The following PCDHGA3 variants were observed in gnomAD, a reference collection of about 807,000 sequenced individuals.
PCDHGA3 encodes the protein protocadherin gamma subfamily A, 3, also known as protocadherin gamma-A3.
PCDHGA3 carries 40 observed loss-of-function variants against 58.5 expected under a neutral mutation model. That is an observed-to-expected ratio of 0.68 (90% CI 0.53 to 0.89). PCDHGA3 has a LOEUF of 0.89. Ranked by LOEUF, PCDHGA3 falls within the 40% of genes least tolerant of loss-of-function variation. The probability of loss-of-function intolerance (pLI) is 0.00; values close to 1 mark genes in which losing one functional copy is unlikely to be tolerated. For missense variants in PCDHGA3, 1,223 were observed against 1,195.9 expected, an observed-to-expected ratio of 1.02 and a Z score of -0.33; for synonymous variants, 530 against 525.7, an observed-to-expected ratio of 1.01 and a Z score of -0.11.
chr5:141,382,928 A>G (rs746763440), intron 1 of PCDHGA3: 9 of 1,582,188 alleles, frequency 5.7e-6, no homozygotes, highest in South Asian at 3.4e-5. Flanking sequence ...GGCGGGGACT[A>G]CAGAGGATTC....
rs2099611311 is a variant in PCDHGA3 at position 141,485,311 on chromosome 5, G to A, written c.2425-9496G>A. 3.1e-6 allele frequency: 5 copies of A among 1,614,174 alleles called. No individual in the cohort carries two copies. The East Asian group carries it at 6.7e-5, about 22-fold the overall frequency. ...AGTCACAGGAAGGGACTTTTGTAGGGAATGTCGCTCAAGATTTCCTGCTGG... is the reference window on the plus strand; with the variant it reads ...AGTCACAGGAAGGGACTTTTGTAGGAAATGTCGCTCAAGATTTCCTGCTGG... On this transcript the variant is annotated intron_variant, in intron 1 of 3. Transcript: ENST00000253812. The surrounding 1 kb of genome is among the most constrained non-coding windows in gnomAD (Gnocchi z 5.7).
chr5:141,491,284 A>C lies in PCDHGA3; in HGVS notation c.2425-3523A>C. ...AATGCCCAAATCCAGTGACTTCCTC[A>C]TACACCCTCCTGAGCGTTCAGACCT... On this transcript the variant is annotated intron_variant, in intron 1 of 3. Transcript: ENST00000253812. The surrounding 1 kb of genome is among the most constrained non-coding windows in gnomAD (Gnocchi z 6.9). 1.2e-6 allele frequency: 2 copies of C among 1,614,128 alleles called. No homozygotes were observed. The highest frequency in any genetic ancestry group is 1.7e-6 in the Non-Finnish European group (2 of 1,179,978).
rs539620413 is a variant in PCDHGA3, at chr5:141,488,489, G to GT, written c.2425-6317dup. Among the ~76,000 whole-genome samples the GT allele has an allele frequency of 1.6e-4, 25 of 152,268 alleles. No homozygotes were observed. In the South Asian group the frequency reaches 4.6e-3, roughly 28 times the overall value. On this transcript the variant is annotated intron_variant, in intron 1 of 3. Transcript: ENST00000253812. ...AGAAATGTTCCCCTACCCAAAAACT[G>GT]TAACACTCATTCCACATTTGGGGTC...
rs373297942 is a variant in PCDHGA3 at position 141,431,494 on chromosome 5, C to G, written c.2425-63313C>G. ...ACAACGCACCAGCGTTTGCTCAGCCCGAGTACCGCGCGAGCGTTCCGGAGA... is the reference window on the plus strand; with the variant it reads ...ACAACGCACCAGCGTTTGCTCAGCCGGAGTACCGCGCGAGCGTTCCGGAGA... On this transcript the variant is annotated intron_variant, in intron 1 of 3. Transcript: ENST00000253812. This position sits in a 1 kb window ranked among gnomAD's most constrained non-coding sequence, Gnocchi z 4.8. 16 of 1,613,838 alleles carry G rather than the reference C, an allele frequency of 9.9e-6. No individual in the cohort carries two copies. The highest frequency in any genetic ancestry group is 1.4e-5 in the Non-Finnish European group (16 of 1,180,030).
rs186005750 is a variant in PCDHGA3, at chr5:141,351,541, C to T, written c.2424+5084C>T. Reference sequence around the variant, plus strand: ...TAGCCACCGACAAGGGCAAACCAGCCCTTTCCTCCAGGACAAGCATCACCC... The same window carrying T: ...TAGCCACCGACAAGGGCAAACCAGCTCTTTCCTCCAGGACAAGCATCACCC... On this transcript the variant is annotated intron_variant, in intron 1 of 3. Transcript: ENST00000253812. 154 of 1,614,046 alleles carry T rather than the reference C, an allele frequency of 9.5e-5. 1 individual carries two copies. The East Asian group carries it at 1.2e-3, about 12-fold the overall frequency.
chr5:141,478,164 C>G lies in PCDHGA3; in HGVS notation c.2425-16643C>G, dbSNP rs202185809. On this transcript the variant is annotated intron_variant, in intron 1 of 3. Transcript: ENST00000253812. Reference sequence around the variant, plus strand: ...GCCGAGTTCCCCTCTGGCTCTGCCCCCCGGGAGCAGAAAAAAAATCTCACC... The same window carrying G: ...GCCGAGTTCCCCTCTGGCTCTGCCCGCCGGGAGCAGAAAAAAAATCTCACC... The G allele has an allele frequency of 1.0e-4, 167 of 1,613,890 alleles. No homozygotes were observed. Among genetic ancestry groups the G allele is most frequent in the Non-Finnish European group, 1.3e-4 (157 of 1,180,048 alleles).
chr5:141,478,336 C>T, intron 1 of PCDHGA3: 2 of 1,613,950 alleles, frequency 1.2e-6, no homozygotes, highest in South Asian at 2.2e-5. Context: ...CACCAGGGCC[C>T]TCCTTGCACG....
chr5:141,418,696 T>C, intron 1 of PCDHGA3: 1 of 1,614,034 alleles, frequency 6.2e-7, no homozygotes, highest in Non-Finnish European at 8.5e-7. Context: ...AGATCACTTA[T>C]TCCTTCTTTG....
intron 1 of PCDHGA3, among the ~76,000 whole-genome samples, chr5:141,439,459 A>ACTG (rs1234039449): frequency 6.6e-6 from 1 of 152,222 alleles, no homozygotes; most frequent in Non-Finnish European, 1.5e-5. Flanking sequence ...GCAAGACTGC[A>ACTG]CTGCTGCCTT....
rs778198822 is a variant in PCDHGA3, at chr5:141,432,802, A to C, written c.2425-62005A>C. 6.2e-7 allele frequency: 1 copy of C among 1,614,082 alleles called. No homozygotes were observed. The highest frequency in any genetic ancestry group is 1.1e-5 in the South Asian group (1 of 91,076). The stretch of plus-strand genomic sequence containing the variant: ...CGGACCTCGGCAGCCTCGAGTCTCC[A>C]GCTAACTCTGAAACCTCAGACCTCA... On this transcript the variant is annotated intron_variant, in intron 1 of 3. Transcript: ENST00000253812. This position sits in a 1 kb window ranked among gnomAD's most constrained non-coding sequence, Gnocchi z 6.0.
chr5:141,494,962 T>G (rs1644946600), intron 2 of PCDHGA3, 97 bp downstream of exon 2: 4 of 1,596,756 alleles, frequency 2.5e-6, no homozygotes, highest in Non-Finnish European at 3.4e-6. Context: ...TTGCTACAGA[T>G]GGCTTCTCCC....
chr5:141,357,066 C>A, intron 1 of PCDHGA3: 1 of 1,613,984 alleles, frequency 6.2e-7, no homozygotes. Flanking sequence ...TGGGGCTGCA[C>A]ACAGGCGAGG....
intron 1 of PCDHGA3, chr5:141,400,146 C>A (rs1444566578): frequency 6.2e-7 from 1 of 1,614,080 alleles, no homozygotes; most frequent in South Asian, 1.1e-5. Flanking sequence ...ATATCACTGA[C>A]CGCCCTGTAC....
At chr5:141,499,189 C>T (rs1406015145) in intron 2 of PCDHGA3, among the ~76,000 whole-genome samples, 3 of 152,088 alleles carry the variant, frequency 2.0e-5, no homozygotes, top group African/African-American at 7.2e-5. Flanking sequence ...AAACCATTTC[C>T]CCCTTCTTAG....
Position 141,345,634 on chromosome 5 carries a change from C to G in PCDHGA3, c.1601C>G (p.Ala534Gly), listed in dbSNP as rs775510751. Residue 534 changes from alanine to glycine, a missense_variant, in exon 1 of 4, where the codon GCC becomes GGC. Ala to Gly is a moderately conservative substitution (Grantham distance 60, BLOSUM62 0). Around this residue, in one of 3 missense-constraint regions of PCDHGA3, gnomAD observed 791 missense variants for 708.5 expected, o/e 1.12. Coordinates refer to ENST00000253812, the MANE Select transcript of PCDHGA3 (RefSeq NM_018916.4). ...QFRDLKLLVT[A>G]SDSGNPPLSS... is the part of the protein sequence containing the mutation. ...AGAGACTTAAAGCTACTGGTGACAG[C>G]CAGCGACAGCGGGAACCCTCCACTC... 1.9e-6 allele frequency: 3 copies of G among 1,614,208 alleles called. No individual in the cohort carries two copies. The highest frequency in any genetic ancestry group is 1.3e-5 in the African/African-American group (1 of 75,046).
At chr5:141,401,667 C>T (rs539975682) in intron 1 of PCDHGA3, among the ~76,000 whole-genome samples, 1 of 152,340 alleles carries the variant, frequency 6.6e-6, no homozygotes, top group South Asian at 2.1e-4. Context: ...GTTTTCTCAA[C>T]ATCCTTGTAG....
At position 141,432,207 on chromosome 5, in the gene PCDHGA3, A is replaced by G. The variant is rs1181424938; in HGVS notation, c.2425-62600A>G. 3 of 1,614,176 alleles carry G rather than the reference A, an allele frequency of 1.9e-6. No homozygotes were observed. The highest frequency in any genetic ancestry group is 2.5e-6 in the Non-Finnish European group (3 of 1,180,026). ...ACCGCCCACGACCCCGACTGTGAAG[A>G]GAACGCCCAGATCACTTATTCCCTG... On this transcript the variant is annotated intron_variant, in intron 1 of 3. Transcript: ENST00000253812. The surrounding 1 kb of genome is among the most constrained non-coding windows in gnomAD (Gnocchi z 6.0).
In PCDHGA3 at chr5:141,490,296, G is replaced by T; in HGVS notation, c.2425-4511G>T. The stretch of plus-strand genomic sequence containing the variant: ...ATGACAATGCCCCAGAGGTGCTATT[G>T]GCCTCTTTGGCCAACCCTGTCCTAG... On this transcript the variant is annotated intron_variant, in intron 1 of 3. Coordinates refer to ENST00000253812, the MANE Select transcript of PCDHGA3 (RefSeq NM_018916.4). This position sits in a 1 kb window ranked among gnomAD's most constrained non-coding sequence, Gnocchi z 5.4. 6.2e-7 allele frequency: 1 copy of T among 1,614,184 alleles called. No homozygotes were observed. Among genetic ancestry groups the T allele is most frequent in the South Asian group, 1.1e-5 (1 of 91,084 alleles).
chr5:141,489,312 G>A lies in PCDHGA3; in HGVS notation c.2425-5495G>A, dbSNP rs745541067. The A allele has an allele frequency of 2.5e-6, 4 of 1,594,972 alleles. No homozygotes were observed. The highest frequency in any genetic ancestry group is 2.6e-6 in the Non-Finnish European group (3 of 1,169,822). On this transcript the variant is annotated intron_variant, in intron 1 of 3. Transcript: ENST00000253812. This position sits in a 1 kb window ranked among gnomAD's most constrained non-coding sequence, Gnocchi z 4.5. ...TGTGCATGTTGTCCTTGTGCTGCTG[G>A]GGCTGGGTGTCTGGGCAGCTTCGTT...
Sources: allele counts gnomAD v4.1 joint callset (sites outside exome capture counted in the v4.1 genomes callset), GRCh38; gene constraint gnomAD v4.1.1; regional missense constraint gnomAD v4.1.1; non-coding constraint Gnocchi (gnomAD v3.1); transcripts MANE v1.5; gene names NCBI Gene and HGNC (gene_info 2026-07-23, HGNC 2026-07-21).